TMCO4: variants seen among roughly 807,000 people sequenced by gnomAD.
The protein encoded by TMCO4 is transmembrane and coiled-coil domain-containing protein 4.
In TMCO4, 58 loss-of-function variants were observed where a neutral mutation model predicts 64.7. The observed-to-expected ratio is 0.90, with a 90% CI of 0.73 to 1.12. TMCO4 has a LOEUF of 1.12. TMCO4 is among the 50% of genes most tolerant of loss of function. The pLI, the probability that TMCO4 is intolerant of heterozygous loss-of-function variation, is 0.00. For missense variants in TMCO4, 780 were observed against 825.9 expected (o/e 0.94, Z 0.68); for synonymous variants, 325 against 346.1 (o/e 0.94, Z 0.68).
At chr1:19,791,727 C>CT (rs2044048449) in intron 2 of TMCO4, among the ~76,000 whole-genome samples, 1 of 152,218 alleles carries the variant, frequency 6.6e-6, no homozygotes, top group African/African-American at 2.4e-5. Context: ...TCACCTAAGA[C>CT]ACACAGGGCT....
chr1:19,766,775 C>T (rs2042752075), intron 6 of TMCO4, among the ~76,000 whole-genome samples: 1 of 152,182 alleles, frequency 6.6e-6, no homozygotes, highest in Non-Finnish European at 1.5e-5. Flanking sequence ...CAAAATACTC[C>T]CCATTCTTGG....
chr1:19,707,947 C>T (rs1329996480), intron 13 of TMCO4, among the ~76,000 whole-genome samples: 1 of 152,156 alleles, frequency 6.6e-6, no homozygotes, highest in Non-Finnish European at 1.5e-5. Flanking sequence ...TGAGAACTCA[C>T]TATCATGAGA....
intron 7 of TMCO4, among the ~76,000 whole-genome samples, chr1:19,747,522 G>T (rs2041846714): frequency 6.6e-6 from 1 of 152,080 alleles, no homozygotes; most frequent in Non-Finnish European, 1.5e-5. Context: ...ATAATAAAAA[G>T]ACAAAAAATA....
chr1:19,707,196 A>G (rs2095307144), intron 13 of TMCO4, among the ~76,000 whole-genome samples: 1 of 152,190 alleles, frequency 6.6e-6, no homozygotes, highest in East Asian at 1.9e-4. Flanking sequence ...TCCAGATTTC[A>G]TGCTGAAATG....
At chr1:19,683,556 C>G (rs965065517) in intron 15 of TMCO4, 112 bp from the exon 16 acceptor site, 1 of 1,231,590 alleles carries the variant, frequency 8.1e-7, no homozygotes, top group Admixed American at 2.3e-5. Flanking sequence ...CCACAGCCAA[C>G]GAATCACCAA....
rs1306099725 is a variant in TMCO4 at position 19,747,132 on chromosome 1, G to C, written c.613+31C>G. 3 of 1,607,482 alleles carry C rather than the reference G, an allele frequency of 1.9e-6. No homozygotes were observed. In the East Asian group the frequency reaches 6.7e-5, roughly 36 times the overall value. On this transcript the variant is annotated intron_variant, in intron 8 of 15. Coordinates refer to ENST00000294543, the MANE Select transcript of TMCO4 (RefSeq NM_181719.7). Reference sequence around the variant, plus strand: ...ATCATTTCTCTGTCTACAAAACCCAGACGTGTGCCACCATCTCTAGCTGGA... The same window carrying C: ...ATCATTTCTCTGTCTACAAAACCCACACGTGTGCCACCATCTCTAGCTGGA...
chr1:19,745,862 A>G (rs1042935890), intron 9 of TMCO4, among the ~76,000 whole-genome samples: 2 of 152,188 alleles, frequency 1.3e-5, no homozygotes, highest in African/African-American at 2.4e-5. Context: ...GAGGCTGGCC[A>G]GCCCCCGAGC....
chr1:19,728,321 G>A (rs55968652), intron 13 of TMCO4, among the ~76,000 whole-genome samples: 25,160 of 152,198 alleles, frequency 0.17, 2,465 homozygotes, highest in South Asian at 0.29. Context: ...ACTGGAGGCA[G>A]AACTACTGGC....
rs1339199050 is a variant in TMCO4 at position 19,795,170 on chromosome 1, C to T, written c.-101+2967G>A. 3.7e-4 allele frequency among the ~76,000 whole-genome samples: 55 copies of T among 149,058 alleles called. 2 individuals are homozygous for T. Among genetic ancestry groups the T allele is most frequent in the Non-Finnish European group, 4.4e-5 (3 of 67,802 alleles). On this transcript the variant is annotated intron_variant, in intron 2 of 15. Coordinates refer to ENST00000294543, the MANE Select transcript of TMCO4 (RefSeq NM_181719.7). ...TATGTGTATTTTATCGCCATTTTTA[C>T]CTTAAAAAAAAAAATAGGGGCCGGA... is the stretch of plus-strand genomic sequence containing the variant.
rs3748751 is a variant in TMCO4, at chr1:19,692,066, T to C, written c.1500+2368A>G. 9.9e-4 allele frequency among the ~76,000 whole-genome samples: 151 copies of C among 152,298 alleles called. 3 individuals carry two copies. The East Asian group carries it at 0.022, about 22-fold the overall frequency. ...TTTTTCTTTATAAATTACCCAGTCT[T>C]GGTATGTCTTTATCAGCAGCGTGAA... On this transcript the variant is annotated intron_variant, in intron 15 of 15. Coordinates refer to ENST00000294543, the MANE Select transcript of TMCO4 (RefSeq NM_181719.7).
intron 4 of TMCO4, among the ~76,000 whole-genome samples, chr1:19,776,834 C>G (rs2043225643): frequency 6.6e-6 from 1 of 152,136 alleles, no homozygotes; most frequent in South Asian, 2.1e-4. Context: ...CAAGACTAGC[C>G]TGGCCAACAC....
intron 13 of TMCO4, among the ~76,000 whole-genome samples, chr1:19,733,430 C>T (rs2095438770): frequency 1.3e-5 from 2 of 152,158 alleles, no homozygotes; most frequent in Non-Finnish European, 2.9e-5. Flanking sequence ...GAATCGATTC[C>T]TTTACTTGGC....
intron 15 of TMCO4, among the ~76,000 whole-genome samples, chr1:19,687,628 T>C (rs1343420563): frequency 1.3e-5 from 2 of 152,126 alleles, no homozygotes. Flanking sequence ...ACATCTGAAT[T>C]CCAGCCAGCA....
At chr1:19,695,258 C>T (rs2095228458) in intron 14 of TMCO4, among the ~76,000 whole-genome samples, 1 of 152,230 alleles carries the variant, frequency 6.6e-6, no homozygotes, top group South Asian at 2.1e-4. Flanking sequence ...TGACCTCGGA[C>T]CCTCTGCTGC....
chr1:19,771,693 G>A (rs1407098890), intron 4 of TMCO4, among the ~76,000 whole-genome samples: 1 of 152,166 alleles, frequency 6.6e-6, no homozygotes, highest in African/African-American at 2.4e-5. Context: ...TTTCGCTCTT[G>A]TTGCCCAGGC....
rs550278041 is a variant in TMCO4 at position 19,773,435 on chromosome 1, C to A, written c.180-1953G>T. 2.0e-5 allele frequency among the ~76,000 whole-genome samples: 3 copies of A among 152,076 alleles called. No homozygotes were observed. The South Asian group carries it at 6.2e-4, about 32-fold the overall frequency. ...GATGACACTTCGGAACTGTCTCCAG[C>A]GGGGTGAGAGGGCCAGGCCTTTACA... On this transcript the variant is annotated intron_variant, in intron 4 of 15. Transcript: ENST00000294543.
chr1:19,722,732 G>A (rs981746686), intron 13 of TMCO4, among the ~76,000 whole-genome samples: 1 of 152,166 alleles, frequency 6.6e-6, no homozygotes. Context: ...GGGCACTTTT[G>A]TACAAGGGTT....
intron 13 of TMCO4, among the ~76,000 whole-genome samples, chr1:19,712,869 G>T (rs749207028): frequency 3.3e-5 from 5 of 152,128 alleles, no homozygotes; most frequent in Non-Finnish European, 7.4e-5. Context: ...CTACAAATTG[G>T]CCGGGCAATT....
chr1:19,781,798 T>C (rs1046009521), intron 3 of TMCO4, among the ~76,000 whole-genome samples: 6 of 152,140 alleles, frequency 3.9e-5, no homozygotes, highest in African/African-American at 4.8e-5. Context: ...AGGCGCCCAC[T>C]ACCACACCTG....
Sources: gnomAD v4.1 joint callset for allele counts (sites outside exome capture counted in the v4.1 genomes callset) on GRCh38, gnomAD v4.1.1 for gene constraint, MANE v1.5 for transcripts, NCBI Gene and HGNC (gene_info 2026-07-23, HGNC 2026-07-21) for gene names.